ERG: variants seen among roughly 807,000 people sequenced by gnomAD.
ERG encodes the protein transcriptional regulator ERG.
A neutral mutation model predicts 55.3 loss-of-function variants in ERG; 9 were observed. The ratio of observed to expected loss-of-function variants is 0.16; its 90% CI spans 0.10 to 0.28. The LOEUF (loss-of-function observed/expected upper bound fraction) is 0.28. Among genes scored for constraint, ERG ranks in the 10% least tolerant of loss-of-function variants. ERG has a pLI of 1.00. For missense variants in ERG, 434 were observed against 631.6 expected (o/e 0.69, Z 3.35); for synonymous variants, 223 against 237.3 (o/e 0.94, Z 0.55).
At chr21:38,484,631 T>A (rs1013767) in intron 1 of ERG, among the ~76,000 whole-genome samples, 18,208 of 152,290 alleles carry the variant, frequency 0.12, 1,228 homozygotes, top group East Asian at 0.26. Context: ...AACTCTCTTA[T>A]GTTTTCTCTA....
rs186729295 is a variant in ERG at position 38,656,897 on chromosome 21, G to A, written c.-150+4761C>T. Among the ~76,000 whole-genome samples, 140 of 152,078 alleles carry A rather than the reference G, an allele frequency of 9.2e-4. 1 individual carries two copies. Among genetic ancestry groups the A allele is most frequent in the African/African-American group, 3.1e-3 (130 of 41,474 alleles). On this transcript the variant is annotated intron_variant, in intron 1 of 10. Transcript: ENST00000398910. ...CCTAGAGAGACAGCTTTTCCCCCCCGAGTATGTTTTGCAGGGGTAATAATT... is the reference window on the plus strand; with the variant it reads ...CCTAGAGAGACAGCTTTTCCCCCCCAAGTATGTTTTGCAGGGGTAATAATT...
chr21:38,510,305 T>C (rs1281304539), intron 2 of ERG, among the ~76,000 whole-genome samples: 4 of 152,236 alleles, frequency 2.6e-5, no homozygotes, highest in African/African-American at 9.6e-5. Context: ...AGATACTGGA[T>C]TCCACATTAC....
At chr21:38,648,863 A>C (rs2060472391) in intron 1 of ERG, among the ~76,000 whole-genome samples, 1 of 152,206 alleles carries the variant, frequency 6.6e-6, no homozygotes, top group Non-Finnish European at 1.5e-5. Flanking sequence ...TGTTGACTGC[A>C]GGAGAAACCT....
chr21:38,376,317 G>A (rs1029971338), downstream of ERG, among the ~76,000 whole-genome samples: 2 of 152,186 alleles, frequency 1.3e-5, no homozygotes, highest in Non-Finnish European at 2.9e-5. Context: ...CCTGTTGTTC[G>A]TTTCTCGCTA....
At chr21:38,650,094 G>GTTTTA (rs147323328) in intron 1 of ERG, among the ~76,000 whole-genome samples, 3,485 of 152,088 alleles carry the variant, frequency 0.023, 135 homozygotes, top group African/African-American at 0.08. Context: ...AGCAGTTTTT[G>GTTTTA]TTTTATTTTT....
chr21:38,389,055 T>C lies in ERG; in HGVS notation c.919+1940A>G, dbSNP rs753866300. On this transcript the variant is annotated intron_variant, in intron 9 of 9. Transcript: ENST00000288319. ...CAGCTTGACTCTTTCCTCCTCTTCCTTCCTGACCTCAGATTCATCGCCTGC... is the reference window on the plus strand; with the variant it reads ...CAGCTTGACTCTTTCCTCCTCTTCCCTCCTGACCTCAGATTCATCGCCTGC... 8.5e-5 allele frequency among the ~76,000 whole-genome samples: 13 copies of C among 152,348 alleles called. No individual in the cohort carries two copies. In the East Asian group the frequency reaches 1.7e-3, roughly 20 times the overall value.
intron 1 of ERG, among the ~76,000 whole-genome samples, chr21:38,597,089 C>G (rs898249463): frequency 6.6e-6 from 1 of 152,136 alleles, no homozygotes; most frequent in African/African-American, 2.4e-5. Flanking sequence ...GGGCTGTGGC[C>G]CACTCTGGAG....
chr21:38,555,380 G>GT (rs1568909459), intron 2 of ERG, among the ~76,000 whole-genome samples: 1 of 151,576 alleles, frequency 6.6e-6, no homozygotes, highest in Non-Finnish European at 1.5e-5. Context: ...AATAGTTTTG[G>GT]TTTTTTTCTC....
At chr21:38,467,001 CTT>C (rs1166402259) in intron 1 of ERG, among the ~76,000 whole-genome samples, 1 of 152,166 alleles carries the variant, frequency 6.6e-6, no homozygotes, top group African/African-American at 2.4e-5. Flanking sequence ...ATTAGCTACT[CTT>C]AAAGTCACAG....
At chr21:38,545,109 C>T (rs1280423642) in intron 2 of ERG, among the ~76,000 whole-genome samples, 2 of 152,134 alleles carry the variant, frequency 1.3e-5, no homozygotes, top group African/African-American at 4.8e-5. Flanking sequence ...CACTCCTTAA[C>T]TTCTTTTCAT....
At chr21:38,626,801 T>C (rs2060327573) in intron 1 of ERG, among the ~76,000 whole-genome samples, 1 of 152,122 alleles carries the variant, frequency 6.6e-6, no homozygotes, top group Non-Finnish European at 1.5e-5. Context: ...CTCTTTTTGG[T>C]CAGAAAAACA....
intron 2 of ERG, among the ~76,000 whole-genome samples, chr21:38,543,827 C>T (rs1265584909): frequency 6.6e-6 from 1 of 151,268 alleles, no homozygotes; most frequent in Admixed American, 6.6e-5. Flanking sequence ...ACCTCCACCT[C>T]CTGGTTTCAA....
rs559738068 is a variant in ERG at position 38,406,134 on chromosome 21, G to A, written c.389-2425C>T. Among the ~76,000 whole-genome samples the A allele has an allele frequency of 4.3e-3, 480 of 112,372 alleles. 2 individuals are homozygous for A. The highest frequency in any genetic ancestry group is 0.016 in the African/African-American group (461 of 28,572). 73.7% of individuals were successfully genotyped at this position (112,372 alleles called of 152,430 possible). ...CAGGCCACTGCACTCCAGCCTGAGC[G>A]ACAGAGCGAGACTCCATCTCAAAAA... On this transcript the variant is annotated intron_variant, in intron 3 of 9. Transcript: ENST00000288319.
chr21:38,463,186 G>A (rs1336023669), intron 1 of ERG, among the ~76,000 whole-genome samples: 1 of 152,120 alleles, frequency 6.6e-6, no homozygotes, highest in African/African-American at 2.4e-5. Flanking sequence ...ACACTGAAAG[G>A]TCCTCCCTGT....
At chr21:38,601,489 AG>A (rs1430366035) in intron 1 of ERG, among the ~76,000 whole-genome samples, 3 of 152,228 alleles carry the variant, frequency 2.0e-5, no homozygotes, top group Non-Finnish European at 4.4e-5. Flanking sequence ...ATTTATTTTG[AG>A]GTTTCACTGC....
intron 1 of ERG, among the ~76,000 whole-genome samples, chr21:38,477,128 C>T (rs2059196491): frequency 6.6e-6 from 1 of 150,926 alleles, no homozygotes; most frequent in Non-Finnish European, 1.5e-5. Context: ...ATCCTCCTAC[C>T]TCCACCTCCC....
At chr21:38,608,434 T>A (rs1184683438) in intron 1 of ERG, among the ~76,000 whole-genome samples, 2 of 152,190 alleles carry the variant, frequency 1.3e-5, no homozygotes, top group African/African-American at 4.8e-5. Flanking sequence ...CCAGAAGCTG[T>A]GGGCACCAAA....
chr21:38,567,073 T>TGG (rs3838110), intron 2 of ERG, among the ~76,000 whole-genome samples: 2 of 151,696 alleles, frequency 1.3e-5, no homozygotes, highest in African/African-American at 4.8e-5. Flanking sequence ...ATCGCCAGAC[T>TGG]GGGGGGGGGA....
intron 1 of ERG, among the ~76,000 whole-genome samples, chr21:38,485,261 A>T (rs1476155517): frequency 6.6e-6 from 1 of 151,310 alleles, no homozygotes. Context: ...TTAAAAAAAA[A>T]ATAGAACAAA....
Sources: gnomAD v4.1 joint callset for allele counts (sites outside exome capture counted in the v4.1 genomes callset) on GRCh38, gnomAD v4.1.1 for gene constraint, MANE v1.5 for transcripts, NCBI Gene and HGNC (gene_info 2026-07-23, HGNC 2026-07-21) for gene names.